The following PDLIM5 variants were observed in gnomAD, a reference collection of about 807,000 sequenced individuals.
The protein encoded by PDLIM5 is PDZ and LIM domain 5.
PDLIM5 carries 34 observed loss-of-function variants against 64.2 expected under a neutral mutation model. The ratio of observed to expected loss-of-function variants is 0.53; its 90% CI spans 0.40 to 0.71. The LOEUF (loss-of-function observed/expected upper bound fraction) is 0.71. Ranked by LOEUF, PDLIM5 falls within the 30% of genes least tolerant of loss-of-function variation. The pLI, the probability that PDLIM5 is intolerant of heterozygous loss-of-function variation, is 0.00. For missense variants in PDLIM5, 683 were observed against 733.6 expected, an observed-to-expected ratio of 0.93 and a Z score of 0.80; for synonymous variants, 253 against 269.1, an observed-to-expected ratio of 0.94 and a Z score of 0.59.
chr4:94,611,300 T>C, intron 7 of PDLIM5: 3 of 1,026,758 alleles, frequency 2.9e-6, no homozygotes, highest in Non-Finnish European at 4.2e-6. Context: ...GAGAACATGC[T>C]AGAGTTCTAG....
At chr4:94,477,782 C>G (rs1387350899) in intron 2 of PDLIM5, among the ~76,000 whole-genome samples, 1 of 152,096 alleles carries the variant, frequency 6.6e-6, no homozygotes, top group South Asian at 2.1e-4. Context: ...CCTCCTCCAC[C>G]TCTTTTGCCT....
chr4:94,518,176 A>T (rs1035064066), intron 2 of PDLIM5, among the ~76,000 whole-genome samples: 2 of 152,192 alleles, frequency 1.3e-5, no homozygotes, highest in African/African-American at 4.8e-5. Flanking sequence ...ATTCAAGAGA[A>T]ATCTTAGATG....
intron 9 of PDLIM5, among the ~76,000 whole-genome samples, chr4:94,651,809 A>G (rs1741865280): frequency 6.6e-6 from 1 of 152,204 alleles, no homozygotes; most frequent in Admixed American, 6.5e-5. Context: ...GAGATCTAAC[A>G]ACACTCCAGC....
chr4:94,652,256 C>T (rs562346848), intron 9 of PDLIM5, among the ~76,000 whole-genome samples: 1 of 152,140 alleles, frequency 6.6e-6, no homozygotes, highest in Admixed American at 6.5e-5. Context: ...GTCCTCCAGC[C>T]TTATGGATGA....
chr4:94,611,011 A>G (rs1385167443), intron 7 of PDLIM5: 1 of 1,313,230 alleles, frequency 7.6e-7, no homozygotes, highest in Non-Finnish European at 1.1e-6. Context: ...CTTAAGAACT[A>G]CTGTCTGCTA....
At chr4:94,595,502 C>T (rs529316461) in intron 7 of PDLIM5, among the ~76,000 whole-genome samples, 61 of 152,340 alleles carry the variant, frequency 4.0e-4, no homozygotes, top group Admixed American at 7.2e-4. Flanking sequence ...GGAATTTTAG[C>T]ACTGGAAGAA....
At chr4:94,556,354 C>T (rs1031840748) in intron 3 of PDLIM5, among the ~76,000 whole-genome samples, 18 of 151,952 alleles carry the variant, frequency 1.2e-4, no homozygotes, top group African/African-American at 3.6e-4. Context: ...TGAATAGTGC[C>T]GCAATAAACA....
chr4:94,621,581 C>T (rs1005691876), intron 8 of PDLIM5, among the ~76,000 whole-genome samples: 2 of 152,136 alleles, frequency 1.3e-5, no homozygotes, highest in African/African-American at 2.4e-5. Flanking sequence ...AGTTTATATA[C>T]GGCCTTTGGA....
At chr4:94,623,721 A>T (rs1284115673) in intron 8 of PDLIM5, among the ~76,000 whole-genome samples, 1 of 152,110 alleles carries the variant, frequency 6.6e-6, no homozygotes, top group Non-Finnish European at 1.5e-5. Flanking sequence ...TTAGGACATC[A>T]TACGATCTGA....
intron 7 of PDLIM5, 82 bp from the exon 8 acceptor site, chr4:94,617,922 T>C (rs1738914353): frequency 1.4e-6 from 1 of 705,356 alleles, no homozygotes; most frequent in African/African-American, 1.8e-5. Flanking sequence ...TTTGATTGAT[T>C]AATGGATTTT....
intron 8 of PDLIM5, among the ~76,000 whole-genome samples, chr4:94,639,489 A>G (rs1740831743): frequency 6.6e-6 from 1 of 152,174 alleles, no homozygotes; most frequent in South Asian, 2.1e-4. Flanking sequence ...AAAGTCAAGA[A>G]CAATGTGAAC....
intron 2 of PDLIM5, among the ~76,000 whole-genome samples, chr4:94,485,932 G>T (rs1726292285): frequency 1.3e-5 from 2 of 152,046 alleles, no homozygotes; most frequent in African/African-American, 4.8e-5. Flanking sequence ...TGTGACATCG[G>T]TGTGGTGAAA....
chr4:94,567,118 G>A (rs1041747316), intron 3 of PDLIM5, among the ~76,000 whole-genome samples: 2 of 152,130 alleles, frequency 1.3e-5, no homozygotes, highest in Admixed American at 6.5e-5. Flanking sequence ...TCAGCCTCCC[G>A]AGTAGCTGGG....
chr4:94,488,863 A>G (rs1190997736), intron 2 of PDLIM5, among the ~76,000 whole-genome samples: 1 of 152,232 alleles, frequency 6.6e-6, no homozygotes, highest in Non-Finnish European at 1.5e-5. Context: ...TTCAATCTTT[A>G]CTAAAGCAAA....
intron 3 of PDLIM5, among the ~76,000 whole-genome samples, chr4:94,535,168 A>G (rs1485076103): frequency 1.3e-5 from 2 of 152,104 alleles, no homozygotes; most frequent in Non-Finnish European, 2.9e-5. Flanking sequence ...TGACGGCTTG[A>G]AATAGAAAGC....
intron 7 of PDLIM5, among the ~76,000 whole-genome samples, chr4:94,600,292 A>G (rs922470820): frequency 4.6e-5 from 7 of 152,212 alleles, no homozygotes; most frequent in African/African-American, 1.7e-4. Flanking sequence ...TTTGGGACAT[A>G]TGATCCAGAA....
chr4:94,640,636 T>C (rs1247894708), intron 9 of PDLIM5, among the ~76,000 whole-genome samples, 186 bp downstream of exon 9: 2 of 151,962 alleles, frequency 1.3e-5, no homozygotes, highest in African/African-American at 4.8e-5. Flanking sequence ...TGAAAGGTAA[T>C]ACGGAGGTCT....
intron 3 of PDLIM5, among the ~76,000 whole-genome samples, chr4:94,538,046 G>A (rs540429746): frequency 5.9e-5 from 9 of 152,110 alleles, no homozygotes; most frequent in Non-Finnish European, 1.0e-4. Context: ...TTCAAATGCC[G>A]TGGAAACTTC....
At chr4:94,591,978 C>T (rs779982572) in intron 7 of PDLIM5, among the ~76,000 whole-genome samples, 31 of 152,218 alleles carry the variant, frequency 2.0e-4, no homozygotes, top group Non-Finnish European at 3.1e-4. Context: ...CTCCTTAGAT[C>T]TTCAACCCAG....
Sources: gnomAD v4.1 joint callset for allele counts (sites outside exome capture counted in the v4.1 genomes callset) on GRCh38, gnomAD v4.1.1 for gene constraint, MANE v1.5 for transcripts, NCBI Gene and HGNC (gene_info 2026-07-23, HGNC 2026-07-21) for gene names.